THEM4: variants seen among roughly 807,000 people sequenced by gnomAD.
THEM4 encodes thioesterase superfamily member 4.
A neutral mutation model predicts 25.0 loss-of-function variants in THEM4; 22 were observed. The ratio of observed to expected loss-of-function variants is 0.88; its 90% CI spans 0.63 to 1.26. THEM4 has a LOEUF of 1.26. Ranked by LOEUF, THEM4 falls within the 50% of genes most tolerant of loss-of-function variation. The pLI is 0.00. For missense variants in THEM4, 286 were observed against 300.3 expected (o/e 0.95, Z 0.35); for synonymous variants, 113 against 105.6 (o/e 1.07, Z -0.43).
chr1:151,884,396 T>A (rs1049336641), intron 4 of THEM4, among the ~76,000 whole-genome samples: 1 of 152,188 alleles, frequency 6.6e-6, no homozygotes, highest in Non-Finnish European at 1.5e-5. Context: ...CATTTACCCC[T>A]CTTGTTCTTA....
At chr1:151,899,973 CA>C (rs1275243800) in intron 1 of THEM4, among the ~76,000 whole-genome samples, 1 of 152,200 alleles carries the variant, frequency 6.6e-6, no homozygotes, top group Admixed American at 6.5e-5. Context: ...AGAAACCCTA[CA>C]AGCCAGAAGG....
chr1:151,884,453 G>C (rs1653919333), intron 4 of THEM4, among the ~76,000 whole-genome samples: 1 of 152,124 alleles, frequency 6.6e-6, no homozygotes, highest in South Asian at 2.1e-4. Flanking sequence ...CTGCCCACAA[G>C]GCGGGGTAGT....
At chr1:151,907,934 GC>G (rs1654508037) in intron 1 of THEM4, among the ~76,000 whole-genome samples, 1 of 152,170 alleles carries the variant, frequency 6.6e-6, no homozygotes, top group African/African-American at 2.4e-5. Flanking sequence ...GCATAAATGA[GC>G]CACAGCCACT....
chr1:151,905,798 T>C (rs1163046018), intron 1 of THEM4, among the ~76,000 whole-genome samples: 1 of 152,246 alleles, frequency 6.6e-6, no homozygotes, highest in African/African-American at 2.4e-5. Context: ...TTCTGTTTTA[T>C]CTAAACAGCA....
intron 1 of THEM4, among the ~76,000 whole-genome samples, chr1:151,903,724 T>C (rs1425747039): frequency 6.6e-6 from 1 of 152,206 alleles, no homozygotes; most frequent in Non-Finnish European, 1.5e-5. Flanking sequence ...AGTTATGAAT[T>C]TGAACTCATC....
intron 1 of THEM4, among the ~76,000 whole-genome samples, chr1:151,900,866 G>A (rs1654335006): frequency 6.6e-6 from 1 of 152,232 alleles, no homozygotes; most frequent in Non-Finnish European, 1.5e-5. Flanking sequence ...TGATGCCCAT[G>A]CTGAAGGTTG....
chr1:151,894,779 A>C, intron 2 of THEM4: 1 of 613,322 alleles, frequency 1.6e-6, no homozygotes, highest in Non-Finnish European at 2.8e-6. Flanking sequence ...CACTCTTGCT[A>C]ATGGTGATAA....
At chr1:151,877,265 T>C in intron 4 of THEM4, 140 bp from the exon 5 acceptor site, 4 of 831,468 alleles carry the variant, frequency 4.8e-6, no homozygotes, top group Non-Finnish European at 7.0e-6. Flanking sequence ...GACAATACAT[T>C]CCTCAAGGAC....
rs1653563494 is a variant in THEM4 at position 151,871,958 on chromosome 1, T to A, written c.*2930A>T. ...CTTCGGAGTCATATTTTTTAACATGTGAAATATAATTATTGTAAGAGTCCA... is the reference window on the plus strand; with the variant it reads ...CTTCGGAGTCATATTTTTTAACATGAGAAATATAATTATTGTAAGAGTCCA... On this transcript the variant is annotated 3_prime_UTR_variant, in exon 6 of 6. Transcript: ENST00000368814. Among the ~76,000 whole-genome samples, 1 of 152,236 alleles carries A rather than the reference T, an allele frequency of 6.6e-6. No individual in the cohort carries two copies. Among genetic ancestry groups the A allele is most frequent in the South Asian group, 2.1e-4 (1 of 4,834 alleles).
intron 4 of THEM4, among the ~76,000 whole-genome samples, chr1:151,880,983 A>G (rs1175481160): frequency 6.6e-6 from 1 of 150,878 alleles, no homozygotes; most frequent in Non-Finnish European, 1.5e-5. Context: ...TACTTGTTTG[A>G]TCTTGTATTG....
At chr1:151,881,686 C>T (rs967809346) in intron 4 of THEM4, among the ~76,000 whole-genome samples, 1 of 152,208 alleles carries the variant, frequency 6.6e-6, no homozygotes, top group Non-Finnish European at 1.5e-5. Context: ...ATGGTGCCCT[C>T]TTGCTTCTAA....
intron 4 of THEM4, among the ~76,000 whole-genome samples, chr1:151,884,686 T>C (rs151261316): frequency 3.4e-5 from 1 of 29,268 alleles, no homozygotes; most frequent in Non-Finnish European, 8.7e-5. Flanking sequence ...TCCTTTTTTT[T>C]GTTTTTTTTT....
intron 2 of THEM4, 170 bp downstream of exon 2, chr1:151,894,838 C>T (rs1654183192): frequency 2.7e-6 from 2 of 741,266 alleles, no homozygotes; most frequent in African/African-American, 3.6e-5. Flanking sequence ...GCTTTATGCT[C>T]TCCAATCTGC....
At chr1:151,895,495 C>G (rs971194589) in intron 1 of THEM4, among the ~76,000 whole-genome samples, 2 of 152,046 alleles carry the variant, frequency 1.3e-5, no homozygotes, top group Non-Finnish European at 2.9e-5. Context: ...GTAAGCCCAG[C>G]ACACTGGAGA....
chr1:151,891,782 C>G (rs1468335705), intron 2 of THEM4, among the ~76,000 whole-genome samples: 2 of 151,990 alleles, frequency 1.3e-5, no homozygotes, highest in Non-Finnish European at 2.9e-5. Context: ...AACTGAGGAG[C>G]CACTGTGTAG....
intron 4 of THEM4, among the ~76,000 whole-genome samples, chr1:151,880,216 A>G (rs1049947190): frequency 6.6e-6 from 1 of 151,292 alleles, no homozygotes; most frequent in African/African-American, 2.4e-5. Flanking sequence ...GCTGTGTCAC[A>G]CCTGTAATCC....
chr1:151,892,556 G>A (rs950103913), intron 2 of THEM4, among the ~76,000 whole-genome samples: 12 of 152,104 alleles, frequency 7.9e-5, no homozygotes, highest in South Asian at 2.1e-4. Context: ...TTCTTCCCTC[G>A]AGATATATCA....
At chr1:151,896,693 G>A (rs1024110599) in intron 1 of THEM4, among the ~76,000 whole-genome samples, 3 of 152,290 alleles carry the variant, frequency 2.0e-5, no homozygotes, top group Admixed American at 2.0e-4. Context: ...GGGGTAACAT[G>A]ATTAGATCTT....
At chr1:151,883,961 G>T (rs976833283) in intron 4 of THEM4, among the ~76,000 whole-genome samples, 8 of 151,940 alleles carry the variant, frequency 5.3e-5, no homozygotes, top group African/African-American at 1.9e-4. Context: ...TGTAATCCCA[G>T]CTACTTGGGA....
Sources: allele counts gnomAD v4.1 joint callset (sites outside exome capture counted in the v4.1 genomes callset), GRCh38; gene constraint gnomAD v4.1.1; transcripts MANE v1.5; gene names NCBI Gene and HGNC (gene_info 2026-07-23, HGNC 2026-07-21).